VAV3: variants seen among roughly 807,000 people sequenced by gnomAD.
VAV3 encodes vav guanine nucleotide exchange factor 3.
A neutral mutation model predicts 131.2 loss-of-function variants in VAV3; 94 were observed. That is an observed-to-expected ratio of 0.72 (90% CI 0.61 to 0.85). The LOEUF (loss-of-function observed/expected upper bound fraction) is 0.85. Ranked by LOEUF, VAV3 falls within the 40% of genes least tolerant of loss-of-function variation. VAV3 has a pLI of 0.00. For missense variants in VAV3, 939 were observed against 1,002.7 expected, an observed-to-expected ratio of 0.94 and a Z score of 0.86; for synonymous variants, 349 against 342.0, an observed-to-expected ratio of 1.02 and a Z score of -0.22.
chr1:107,868,603 G>A (rs976461926), intron 2 of VAV3, among the ~76,000 whole-genome samples: 2 of 152,170 alleles, frequency 1.3e-5, no homozygotes, highest in Non-Finnish European at 2.9e-5. Context: ...AGAAAGCATT[G>A]ACTATGAAGC....
intron 2 of VAV3, among the ~76,000 whole-genome samples, chr1:107,869,505 T>G (rs1670157600): frequency 6.6e-6 from 1 of 152,130 alleles, no homozygotes; most frequent in African/African-American, 2.4e-5. Context: ...ACAATTTCAT[T>G]TAATACTCAC....
At chr1:107,954,534 ATT>A (rs5776909) in intron 1 of VAV3, among the ~76,000 whole-genome samples, 93,685 of 130,694 alleles carry the variant, frequency 0.72, 34,591 homozygotes, top group Non-Finnish European at 0.83. Context: ...CCTGAGGCAA[ATT>A]TTTTTTTTTT....
chr1:107,787,836 G>C (rs1487959353), intron 2 of VAV3, among the ~76,000 whole-genome samples: 1 of 151,974 alleles, frequency 6.6e-6, no homozygotes, highest in Admixed American at 6.6e-5. Context: ...AGGCATTTCC[G>C]CACCACTATG....
intron 3 of VAV3, among the ~76,000 whole-genome samples, chr1:107,778,671 G>C (rs1665512815): frequency 6.6e-6 from 1 of 152,128 alleles, no homozygotes; most frequent in Non-Finnish European, 1.5e-5. Context: ...GCTGGACACA[G>C]AAAAATGGCT....
At chr1:107,677,735 T>C (rs1443224262) in intron 19 of VAV3, 1 of 152,184 alleles carries the variant, frequency 6.6e-6, no homozygotes, top group Middle Eastern at 3.2e-3. Context: ...AATTCAAACA[T>C]TCTGTTATTT....
chr1:107,694,487 C>T (rs964618965), intron 17 of VAV3, among the ~76,000 whole-genome samples: 14 of 152,158 alleles, frequency 9.2e-5, no homozygotes, highest in East Asian at 7.7e-4. Flanking sequence ...GCCTAACAAT[C>T]GATGCTTAGG....
intron 1 of VAV3, among the ~76,000 whole-genome samples, chr1:107,899,789 T>C (rs556869811): frequency 6.6e-6 from 1 of 152,312 alleles, no homozygotes; most frequent in South Asian, 2.1e-4. Flanking sequence ...AAACTAATAA[T>C]AACTGGTGAA....
intron 2 of VAV3, among the ~76,000 whole-genome samples, chr1:107,827,944 G>A (rs796522693): frequency 3.3e-5 from 5 of 152,232 alleles, no homozygotes; most frequent in African/African-American, 9.6e-5. Context: ...TTACTTGGAA[G>A]GGCCTATCAA....
intron 2 of VAV3, among the ~76,000 whole-genome samples, chr1:107,780,124 T>C (rs978500036): frequency 1.3e-5 from 2 of 152,206 alleles, no homozygotes; most frequent in African/African-American, 4.8e-5. Context: ...CCAAGTACTT[T>C]TGGGCAAAAT....
chr1:107,579,188 A>G lies in VAV3; in HGVS notation c.2351-4990T>C, dbSNP rs559030241. On this transcript the variant is annotated intron_variant, in intron 25 of 26. Coordinates refer to ENST00000370056, the MANE Select transcript of VAV3 (RefSeq NM_006113.5). Reference sequence around the variant, plus strand: ...TATCTAAAATATTATAATTCCACCCAAACAGTAGTTAGCCCTCACAGTTAG... The same window carrying G: ...TATCTAAAATATTATAATTCCACCCGAACAGTAGTTAGCCCTCACAGTTAG... 4.1e-4 allele frequency among the ~76,000 whole-genome samples: 62 copies of G among 152,326 alleles called. No individual in the cohort carries two copies. In the South Asian group the frequency reaches 0.012, roughly 30 times the overall value.
In VAV3 at chr1:107,964,798, G is replaced by C. The variant is rs765784833; in HGVS notation, c.72C>G (p.Thr24=). The change falls in exon 1 of 27, where the codon ACC becomes ACG. Residue 24 remains threonine, a synonymous_variant. Transcript: ENST00000370056. The part of the protein sequence containing the change: ...CKVLPTNHRV[T]WDSAQVFDLA... ...GGTCGAACACCTGAGCCGAGTCCCA[G>C]GTCACCCGGTGGTTGGTGGGCAGCA... 4 of 1,614,026 alleles carry C rather than the reference G, an allele frequency of 2.5e-6. No individual in the cohort carries two copies. The South Asian group carries it at 3.3e-5, about 13-fold the overall frequency.
chr1:107,678,231 C>A (rs1658352147), intron 19 of VAV3, among the ~76,000 whole-genome samples: 1 of 152,058 alleles, frequency 6.6e-6, no homozygotes, highest in African/African-American at 2.4e-5. Context: ...CCAGTTTTTT[C>A]AAGTTCATTT....
chr1:107,887,779 C>T (rs1571095754), intron 1 of VAV3, among the ~76,000 whole-genome samples: 1 of 152,140 alleles, frequency 6.6e-6, no homozygotes, highest in Non-Finnish European at 1.5e-5. Context: ...ATTTGGCCCT[C>T]TCTGATGTTT....
chr1:107,607,574 A>T (rs903590532), intron 22 of VAV3, among the ~76,000 whole-genome samples: 2 of 151,912 alleles, frequency 1.3e-5, no homozygotes, highest in Non-Finnish European at 2.9e-5. Flanking sequence ...ATACCTTCTA[A>T]CTCCAGTGTC....
chr1:107,944,334 C>T (rs1674146099), intron 1 of VAV3, among the ~76,000 whole-genome samples: 1 of 152,086 alleles, frequency 6.6e-6, no homozygotes, highest in Non-Finnish European at 1.5e-5. Flanking sequence ...GCCATCTTTG[C>T]AGGTAAGTAA....
chr1:107,764,111 A>C lies in VAV3; in HGVS notation c.921+965T>G, dbSNP rs182831949. 6.4e-3 allele frequency among the ~76,000 whole-genome samples: 968 copies of C among 152,242 alleles called. 7 individuals are homozygous for C. Among genetic ancestry groups the C allele is most frequent in the Non-Finnish European group, 8.2e-3 (558 of 68,012 alleles). Reference sequence around the variant, plus strand: ...ACAAAAAACAAAAAACAAAACAAAAAAAAAAACATGATGTACAAAAAAACA... The same window carrying C: ...ACAAAAAACAAAAAACAAAACAAAACAAAAAACATGATGTACAAAAAAACA... On this transcript the variant is annotated intron_variant, in intron 9 of 26. Transcript: ENST00000370056.
At chr1:107,825,037 T>A (rs1003747498) in intron 2 of VAV3, among the ~76,000 whole-genome samples, 1 of 152,294 alleles carries the variant, frequency 6.6e-6, no homozygotes, top group Non-Finnish European at 1.5e-5. Context: ...TCTTAACATT[T>A]TGTAAATAAA....
chr1:107,600,472 AT>A (rs1651758677), intron 24 of VAV3, among the ~76,000 whole-genome samples: 2 of 152,184 alleles, frequency 1.3e-5, no homozygotes. Flanking sequence ...AGATGCCCAG[AT>A]ATGGAGACGA....
chr1:107,704,096 G>T (rs563832206), intron 17 of VAV3, among the ~76,000 whole-genome samples: 1 of 152,214 alleles, frequency 6.6e-6, no homozygotes, highest in African/African-American at 2.4e-5. Flanking sequence ...ATTAATTCAT[G>T]AATTAGTCTG....
Sources: allele counts gnomAD v4.1 joint callset (sites outside exome capture counted in the v4.1 genomes callset), GRCh38; gene constraint gnomAD v4.1.1; transcripts MANE v1.5; gene names NCBI Gene and HGNC (gene_info 2026-07-23, HGNC 2026-07-21).